The following SYT14 variants were observed in gnomAD, a reference collection of about 807,000 sequenced individuals.
SYT14 encodes the protein synaptotagmin 14, also known as synaptotagmin-14.
In SYT14, 32 loss-of-function variants were observed where a neutral mutation model predicts 74.2. The observed-to-expected ratio is 0.43, with a 90% CI of 0.33 to 0.58. SYT14 has a LOEUF of 0.58. Among genes scored for constraint, SYT14 ranks in the 20% least tolerant of loss-of-function variants. The pLI is 0.05. For missense variants in SYT14, 791 were observed against 981.8 expected, an observed-to-expected ratio of 0.81 and a Z score of 2.60; for synonymous variants, 298 against 337.7, an observed-to-expected ratio of 0.88 and a Z score of 1.29.
At chr1:210,086,261 A>T (rs781372573) in intron 5 of SYT14, among the ~76,000 whole-genome samples, 15 of 152,148 alleles carry the variant, frequency 9.9e-5, no homozygotes, top group Non-Finnish European at 1.6e-4. Flanking sequence ...AGGTTTCTCC[A>T]CTGTAAAGGT....
exon 4 of SYT14, chr1:210,016,092 C>T (rs1359252606): frequency 2.8e-5 from 35 of 1,231,988 alleles, no homozygotes; most frequent in Non-Finnish European, 3.4e-5. Context: ...GATTTGACCA[C>T]TGCTGTTGGG....
At position 209,938,296 on chromosome 1, in the gene SYT14, C is replaced by T; in HGVS notation, c.-534+19C>T. The T allele has an allele frequency of 1.9e-6, 3 of 1,552,020 alleles. No individual in the cohort carries two copies. The highest frequency in any genetic ancestry group is 1.2e-5 in the South Asian group (1 of 86,524). ...ATTGAAGGTAAGTGGAGGCTGACAG[C>T]GGGGAGCGAGGACCGGGACCACCCA... On this transcript the variant is annotated intron_variant, in intron 1 of 9. Transcript: ENST00000637265.
intron 2 of SYT14, among the ~76,000 whole-genome samples, chr1:209,962,812 A>T (rs757106874): frequency 6.6e-6 from 1 of 152,124 alleles, no homozygotes; most frequent in Non-Finnish European, 1.5e-5. Context: ...CAAATGGGTG[A>T]TGAAGACTAT....
At chr1:209,965,835 C>T (rs2079148081) in intron 2 of SYT14, 2 of 429,668 alleles carry the variant, frequency 4.7e-6, no homozygotes, top group Admixed American at 5.4e-5. Flanking sequence ...CCTTTTGTAT[C>T]AAATCAATAG....
At chr1:210,131,218 G>A (rs564972556) in intron 7 of SYT14, among the ~76,000 whole-genome samples, 1 of 152,210 alleles carries the variant, frequency 6.6e-6, no homozygotes, top group South Asian at 2.1e-4. Flanking sequence ...CATCACCGCT[G>A]TGACTGTCAC....
intron 5 of SYT14, among the ~76,000 whole-genome samples, chr1:210,075,384 A>T (rs2102459983): frequency 6.9e-6 from 1 of 144,774 alleles, no homozygotes; most frequent in South Asian, 2.2e-4. Flanking sequence ...CTCTGTTGAG[A>T]AGTGCAATGG....
At chr1:210,016,317 C>T (rs1203060782) in exon 4 of SYT14, 1 of 1,231,974 alleles carries the variant, frequency 8.1e-7, no homozygotes, top group Admixed American at 4.2e-5. Context: ...ACTTGTAAAA[C>T]TTCACTAAAG....
At chr1:209,978,551 A>G (rs555822767) in intron 2 of SYT14, among the ~76,000 whole-genome samples, 50 of 152,222 alleles carry the variant, frequency 3.3e-4, no homozygotes, top group African/African-American at 1.1e-3. Flanking sequence ...TTGCTGCCTG[A>G]TCGTTCCTCT....
intron 5 of SYT14, among the ~76,000 whole-genome samples, chr1:210,073,494 A>G (rs2081432699): frequency 6.6e-6 from 1 of 152,070 alleles, no homozygotes; most frequent in African/African-American, 2.4e-5. Context: ...TTTAACACAA[A>G]ATGGGAGTGA....
chr1:210,137,152 A>G (rs2082803830), intron 7 of SYT14, among the ~76,000 whole-genome samples: 1 of 152,150 alleles, frequency 6.6e-6, no homozygotes, highest in Non-Finnish European at 1.5e-5. Context: ...CAATTTTGTA[A>G]TTTGTATCAA....
intron 2 of SYT14, among the ~76,000 whole-genome samples, chr1:210,010,701 G>A (rs1444280984): frequency 6.6e-6 from 1 of 152,080 alleles, no homozygotes; most frequent in African/African-American, 2.4e-5. Context: ...AGATGAAAGA[G>A]GAACGTAGAA....
chr1:210,098,978 C>T (rs1256387738), intron 6 of SYT14, among the ~76,000 whole-genome samples: 7 of 152,088 alleles, frequency 4.6e-5, no homozygotes, highest in Non-Finnish European at 8.8e-5. Flanking sequence ...GTATTTCTAG[C>T]TAACACTCAG....
chr1:210,063,715 G>A (rs1324433116), intron 5 of SYT14, among the ~76,000 whole-genome samples: 2 of 151,714 alleles, frequency 1.3e-5, no homozygotes, highest in Non-Finnish European at 1.5e-5. Context: ...CTTAACTGCT[G>A]TCTTCATTTG....
At chr1:210,113,927 A>G (rs2082310486) in intron 7 of SYT14, among the ~76,000 whole-genome samples, 1 of 151,402 alleles carries the variant, frequency 6.6e-6, no homozygotes, top group Non-Finnish European at 1.5e-5. Context: ...GAGGCAAAGA[A>G]AATAGGCCCT....
chr1:210,031,993 G>C (rs1266408307), intron 5 of SYT14, among the ~76,000 whole-genome samples: 1 of 152,118 alleles, frequency 6.6e-6, no homozygotes, highest in Non-Finnish European at 1.5e-5. Flanking sequence ...GGACAAATAA[G>C]GGACAACTAG....
intron 5 of SYT14, among the ~76,000 whole-genome samples, chr1:210,056,595 C>A (rs1459589316): frequency 6.8e-6 from 1 of 146,970 alleles, no homozygotes; most frequent in Non-Finnish European, 1.5e-5. Flanking sequence ...GCAGGCAGAT[C>A]ATGAGGTCAG....
At chr1:209,961,326 A>G (rs2079072631) in intron 2 of SYT14, among the ~76,000 whole-genome samples, 1 of 152,178 alleles carries the variant, frequency 6.6e-6, no homozygotes, top group African/African-American at 2.4e-5. Flanking sequence ...CTTAGTGACC[A>G]AACTTGACTT....
At chr1:210,024,428 T>G (rs987984196) in intron 5 of SYT14, among the ~76,000 whole-genome samples, 1 of 152,170 alleles carries the variant, frequency 6.6e-6, no homozygotes, top group African/African-American at 2.4e-5. Context: ...TTGGAACATT[T>G]GGAAGAAGAA....
chr1:210,118,617 C>T (rs1239048021), intron 7 of SYT14, among the ~76,000 whole-genome samples: 1 of 152,120 alleles, frequency 6.6e-6, no homozygotes, highest in Non-Finnish European at 1.5e-5. Context: ...GCTGGGATTA[C>T]AGGCACCTGC....
Sources: gnomAD v4.1 joint callset for allele counts (sites outside exome capture counted in the v4.1 genomes callset) on GRCh38, gnomAD v4.1.1 for gene constraint, MANE v1.5 for transcripts, NCBI Gene and HGNC (gene_info 2026-07-23, HGNC 2026-07-21) for gene names.